Variants in SLC6A17 observed in about 807,000 individuals in gnomAD.
SLC6A17 encodes solute carrier family 6 member 17.
In SLC6A17, 21 loss-of-function variants were observed where a neutral mutation model predicts 64.5. That is an observed-to-expected ratio of 0.33 (90% confidence interval 0.23 to 0.47). The LOEUF is 0.47. SLC6A17 is among the 20% of genes least tolerant of loss of function. SLC6A17 has a pLI of 1.00. For missense variants in SLC6A17, 682 were observed against 963.2 expected, an observed-to-expected ratio of 0.71 and a Z score of 3.86; for synonymous variants, 372 against 399.5, an observed-to-expected ratio of 0.93 and a Z score of 0.82.
chr1:110,171,963 A>T (rs1570987342), intron 2 of SLC6A17, 97 bp from the exon 3 acceptor site: 1 of 1,486,002 alleles, frequency 6.7e-7, no homozygotes, highest in East Asian at 2.3e-5. Context: ...GGATGACCAG[A>T]GATGTGGCTG....
chr1:110,152,030 C>T (rs556325044), intron 1 of SLC6A17, among the ~76,000 whole-genome samples: 69 of 152,264 alleles, frequency 4.5e-4, no homozygotes, highest in Non-Finnish European at 8.2e-4. Flanking sequence ...CTTTAGTTAG[C>T]GCCTAACTGT....
chr1:110,191,896 A>G, intron 6 of SLC6A17, 76 bp from the exon 7 acceptor site: 4 of 1,551,186 alleles, frequency 2.6e-6, no homozygotes, highest in Non-Finnish European at 2.6e-6. Context: ...TGAGGCTGAG[A>G]AAGGGGGTGT....
intron 6 of SLC6A17, among the ~76,000 whole-genome samples, chr1:110,183,065 A>T (rs1656576196): frequency 6.6e-6 from 1 of 152,210 alleles, no homozygotes; most frequent in Non-Finnish European, 1.5e-5. Context: ...ACAGCGTGGC[A>T]GTTCCTCAAA....
chr1:110,155,249 A>G (rs1399923012), intron 1 of SLC6A17, among the ~76,000 whole-genome samples: 2 of 152,214 alleles, frequency 1.3e-5, no homozygotes, highest in Admixed American at 6.5e-5. Context: ...AAGTCCTTTG[A>G]TAATTCTCTT....
At position 110,198,676 on chromosome 1, in the gene SLC6A17, C is replaced by G; in HGVS notation, c.*232C>G. ...AATTCAGGACCCCACTCATCTAGCC[C>G]TCCAAGAGCCTCCGCCAAATTGTAG... On this transcript the variant is annotated 3_prime_UTR_variant, in exon 12 of 12. Transcript: ENST00000331565. 1.7e-6 allele frequency: 1 copy of G among 602,102 alleles called. No homozygotes were observed. 37.3% of individuals were successfully genotyped at this position (602,102 alleles called of 1,614,324 possible).
intron 10 of SLC6A17, among the ~76,000 whole-genome samples, 172 bp downstream of exon 10, chr1:110,195,917 G>A (rs1297442724): frequency 6.6e-6 from 1 of 152,216 alleles, no homozygotes; most frequent in Non-Finnish European, 1.5e-5. Context: ...CACTTGTCCA[G>A]GGAGAAACAG....
At chr1:110,177,495 A>G (rs1234061730) in intron 6 of SLC6A17, 4 of 152,280 alleles carry the variant, frequency 2.6e-5, no homozygotes, top group African/African-American at 7.2e-5. Context: ...CACTGGGCAC[A>G]ACTGGCATGC....
intron 1 of SLC6A17, among the ~76,000 whole-genome samples, chr1:110,162,785 G>A (rs1655949897): frequency 6.6e-6 from 1 of 152,116 alleles, no homozygotes. Context: ...AGCTGAAGAA[G>A]AGGTACCATT....
rs759047920 is a variant in SLC6A17, at chr1:110,198,729, C to T, written c.*285C>T. On this transcript the variant is annotated 3_prime_UTR_variant, in exon 12 of 12. Transcript: ENST00000331565. Reference sequence around the variant, plus strand: ...ATGTAATTGGAACAACCCATAAGGCCTGCTTCCCAGTCCATGGGAGATTCC... The same window carrying T: ...ATGTAATTGGAACAACCCATAAGGCTTGCTTCCCAGTCCATGGGAGATTCC... The T allele has an allele frequency of 8.3e-6, 3 of 362,742 alleles. No homozygotes were observed. Among genetic ancestry groups the T allele is most frequent in the Non-Finnish European group, 1.5e-5 (3 of 201,028 alleles). The allele number at this position is 362,742 out of a possible 1,614,324, so 22.5% of individuals were successfully genotyped here. A position where few individuals can be genotyped will look rare whatever the true frequency, so the allele number is the denominator to read the frequency against.
At chr1:110,186,670 C>G (rs1267432483) in intron 6 of SLC6A17, among the ~76,000 whole-genome samples, 1 of 113,040 alleles carries the variant, frequency 8.8e-6, no homozygotes, top group Non-Finnish European at 2.0e-5. Context: ...TCTAGTCTCT[C>G]TCTCTCTCTC....
rs57644507 is a variant in SLC6A17, at chr1:110,190,481, C to T, written c.865-1491C>T. Among the ~76,000 whole-genome samples, 916 of 152,296 alleles carry T rather than the reference C, an allele frequency of 6.0e-3. 9 individuals carry two copies. The highest frequency in any genetic ancestry group is 0.021 in the African/African-American group (876 of 41,550). ...AACATCTCAGCTGTTGGAGTGCTGC[C>T]AGGAGTTGAGACATGCCTAGGAAGC... On this transcript the variant is annotated intron_variant, in intron 6 of 11. Transcript: ENST00000331565.
intron 1 of SLC6A17, among the ~76,000 whole-genome samples, chr1:110,164,273 ATCT>A (rs1655990200): frequency 6.6e-6 from 1 of 152,094 alleles, no homozygotes; most frequent in Non-Finnish European, 1.5e-5. Flanking sequence ...ACACCCAGTG[ATCT>A]TCTCCCTGTG....
intron 8 of SLC6A17, 126 bp from the exon 9 acceptor site, chr1:110,194,453 T>C (rs1571003176): frequency 2.0e-6 from 2 of 994,832 alleles, no homozygotes; most frequent in Non-Finnish European, 2.9e-6. Flanking sequence ...AGGATTTAGG[T>C]GGAGGTGGGA....
At chr1:110,171,675 G>C (rs534108735) in intron 2 of SLC6A17, among the ~76,000 whole-genome samples, 1 of 152,188 alleles carries the variant, frequency 6.6e-6, no homozygotes, top group East Asian at 1.9e-4. Context: ...CTGCTTCTCT[G>C]TGGTCAGGAG....
intron 1 of SLC6A17, among the ~76,000 whole-genome samples, chr1:110,161,336 A>G (rs1448322662): frequency 6.6e-6 from 1 of 152,054 alleles, no homozygotes; most frequent in Non-Finnish European, 1.5e-5. Context: ...ACTCACCACC[A>G]ATTATACCTG....
chr1:110,151,630 C>T (rs1350841468), intron 1 of SLC6A17, among the ~76,000 whole-genome samples: 2 of 152,158 alleles, frequency 1.3e-5, no homozygotes, highest in Non-Finnish European at 2.9e-5. Flanking sequence ...GTGGGCCGCT[C>T]CCCAGGGGCG....
At chr1:110,168,708 G>C (rs1437840808) in intron 2 of SLC6A17, among the ~76,000 whole-genome samples, 1 of 152,216 alleles carries the variant, frequency 6.6e-6, no homozygotes. Context: ...GGAGGACTTA[G>C]CTGGGAACTT....
At chr1:110,155,070 C>G (rs577271992) in intron 1 of SLC6A17, among the ~76,000 whole-genome samples, 1 of 152,330 alleles carries the variant, frequency 6.6e-6, no homozygotes, top group South Asian at 2.1e-4. Context: ...ATCCCCAGAA[C>G]AGGCCCATGC....
chr1:110,156,088 C>A (rs1308937867), intron 1 of SLC6A17, among the ~76,000 whole-genome samples: 1 of 152,294 alleles, frequency 6.6e-6, no homozygotes, highest in East Asian at 1.9e-4. Flanking sequence ...CAGAATAGCC[C>A]GGTGGGCGCT....
Sources: gnomAD v4.1 joint callset for allele counts (sites outside exome capture counted in the v4.1 genomes callset) on GRCh38, gnomAD v4.1.1 for gene constraint, MANE v1.5 for transcripts, NCBI Gene and HGNC (gene_info 2026-07-23, HGNC 2026-07-21) for gene names.